Variants in CEP295 observed in about 807,000 individuals in gnomAD.
The protein encoded by CEP295 is centrosomal protein 295.
In CEP295, 190 loss-of-function variants were observed where a neutral mutation model predicts 291.6. The observed-to-expected ratio is 0.65, with a 90% confidence interval of 0.58 to 0.73. CEP295 has a LOEUF of 0.73. Ranked by LOEUF, CEP295 falls within the 30% of genes least tolerant of loss-of-function variation. The probability of loss-of-function intolerance (pLI) is 0.00; values close to 1 mark genes in which losing one functional copy is unlikely to be tolerated. For synonymous variants in CEP295, 993 were observed against 1,038.8 expected, an observed-to-expected ratio of 0.96 and a Z score of 0.85; for missense variants, 2,863 against 2,949.4, an observed-to-expected ratio of 0.97 and a Z score of 0.68.
Position 93,664,817 on chromosome 11 carries a change from C to A in CEP295, c.-26-1865C>A, listed in dbSNP as rs375880522. On this transcript the variant is annotated intron_variant, in intron 1 of 29. Coordinates refer to ENST00000325212, the MANE Select transcript of CEP295 (RefSeq NM_033395.2). Reference sequence around the variant, plus strand: ...TATTCTGTTTACACCTGGTTGAAAACATTGTGCATCCATAGTATGTGAAAT... The same window carrying A: ...TATTCTGTTTACACCTGGTTGAAAAAATTGTGCATCCATAGTATGTGAAAT... Among the ~76,000 whole-genome samples, 10 of 152,302 alleles carry A rather than the reference C, an allele frequency of 6.6e-5. No homozygotes were observed. In the East Asian group the frequency reaches 1.4e-3, roughly 21 times the overall value.
intron 18 of CEP295, among the ~76,000 whole-genome samples, chr11:93,709,190 T>C (rs1419979030): frequency 6.6e-6 from 1 of 152,208 alleles, no homozygotes; most frequent in African/African-American, 2.4e-5. Context: ...TTTCCTGTGC[T>C]TGTGGGGTAT....
chr11:93,720,490 A>AAAAGAC (rs1555005879), intron 18 of CEP295, among the ~76,000 whole-genome samples: 1 of 4,452 alleles, frequency 2.2e-4, no homozygotes, highest in African/African-American at 3.2e-4. Flanking sequence ...AAAAAAAAAA[A>AAAAGAC]CTGTCTCTAA....
chr11:93,717,780 C>T lies in CEP295; in HGVS notation c.5750-3532C>T, dbSNP rs79300182. On this transcript the variant is annotated intron_variant, in intron 18 of 29. Coordinates refer to ENST00000325212, the MANE Select transcript of CEP295 (RefSeq NM_033395.2). The stretch of plus-strand genomic sequence containing the variant: ...GGTCACAGAGTGGCCATTTCTGAGA[C>T]TGGCATTCCATGGAATTGTTGATGT... Among the ~76,000 whole-genome samples the T allele has an allele frequency of 7.9e-3, 1,206 of 152,122 alleles. 22 individuals carry two copies. The highest frequency in any genetic ancestry group is 0.053 in the East Asian group (273 of 5,172).
At chr11:93,666,974 A>G (rs576233021) in intron 2 of CEP295, among the ~76,000 whole-genome samples, 159 bp downstream of exon 2, 1 of 152,356 alleles carries the variant, frequency 6.6e-6, no homozygotes, top group Admixed American at 6.5e-5. Flanking sequence ...CACTTGAAAA[A>G]TAGGCTGAGA....
chr11:93,696,993 G>A lies in CEP295; in HGVS notation c.2081G>A (p.Arg694His), dbSNP rs550923039. ...QRQVETTETL[R>H]ASDILTNQAL... ...CAGGTGGAAACAACAGAAACATTAC[G>A]CGCTTCAGATATTTTAACCAATCAA... Residue 694 changes from arginine (R) to histidine (H), a missense_variant, in exon 15 of 30, where the codon CGC becomes CAC. Transcript: ENST00000325212. The A allele has an allele frequency of 4.7e-4, 731 of 1,551,466 alleles. 1 individual carries two copies. Among genetic ancestry groups the A allele is most frequent in the South Asian group, 2.1e-3 (180 of 84,054 alleles).
intron 7 of CEP295, among the ~76,000 whole-genome samples, chr11:93,682,452 G>A (rs1839166540): frequency 6.6e-6 from 1 of 152,174 alleles, no homozygotes; most frequent in Non-Finnish European, 1.5e-5. Context: ...TCGAACTCCT[G>A]ACCTCAGGTG....
chr11:93,669,651 A>G (rs754617408), intron 4 of CEP295, 26 bp from the exon 5 acceptor site: 24 of 1,408,902 alleles, frequency 1.7e-5, no homozygotes, highest in Non-Finnish European at 2.3e-5. Flanking sequence ...TGAGAGATTA[A>G]TTGATGACAT....
At chr11:93,695,659 T>C (rs1951809767) in intron 13 of CEP295, 25 bp downstream of exon 13, 1 of 1,476,322 alleles carries the variant, frequency 6.8e-7, no homozygotes, top group Admixed American at 2.9e-5. Flanking sequence ...ATCTCATCAC[T>C]ACATAAATCA....
At position 93,687,726 on chromosome 11, in the gene CEP295, T is replaced by C. The variant is rs760100225; in HGVS notation, c.1197T>C (p.Ser399=). Residue 399 remains serine, a synonymous_variant, in exon 10 of 30, where the codon TCT becomes TCC. Coordinates refer to ENST00000325212, the MANE Select transcript of CEP295 (RefSeq NM_033395.2). ...KLLNKIRSQK[S]LWTIKSMSED... is the part of the protein sequence containing the mutation. Reference sequence around the variant, plus strand: ...TAAATAAGATCCGAAGCCAAAAATCTCTCTGGACAATTAAATCTATGTCTG... The same window carrying C: ...TAAATAAGATCCGAAGCCAAAAATCCCTCTGGACAATTAAATCTATGTCTG... 3.9e-6 allele frequency: 6 copies of C among 1,549,820 alleles called. No homozygotes were observed. In the South Asian group the frequency reaches 7.2e-5, roughly 18 times the overall value.
chr11:93,696,566 C>G, intron 14 of CEP295, 116 bp from the exon 15 acceptor site: 6 of 1,105,576 alleles, frequency 5.4e-6, no homozygotes, highest in Non-Finnish European at 7.6e-6. Context: ...AGTGTAATTT[C>G]TTTTCACCAT....
intron 10 of CEP295, among the ~76,000 whole-genome samples, chr11:93,689,522 T>G (rs1161211123): frequency 6.6e-6 from 1 of 152,308 alleles, no homozygotes; most frequent in East Asian, 1.9e-4. Flanking sequence ...ACTCCCTCAC[T>G]TCCTTCACAT....
At chr11:93,722,751 C>G (rs1953834325) in intron 20 of CEP295, 1 of 268,092 alleles carries the variant, frequency 3.7e-6, no homozygotes, top group Non-Finnish European at 7.2e-6. Flanking sequence ...TATAGTGTCG[C>G]TGTCAATTAC....
intron 18 of CEP295, among the ~76,000 whole-genome samples, chr11:93,707,773 A>T (rs1295888594): frequency 6.6e-6 from 1 of 152,002 alleles, no homozygotes; most frequent in Non-Finnish European, 1.5e-5. Context: ...AAAAAGAAGA[A>T]GTTACATTTT....
intron 7 of CEP295, among the ~76,000 whole-genome samples, chr11:93,681,403 A>ATTTT (rs71064773): frequency 0.21 from 7,541 of 36,490 alleles, 2,731 homozygotes; most frequent in Non-Finnish European, 0.23. Context: ...CACCCAGCTA[A>ATTTT]TTTTTTTTTT....
At chr11:93,677,778 AG>A (rs1197333448) in intron 6 of CEP295, among the ~76,000 whole-genome samples, 2 of 152,186 alleles carry the variant, frequency 1.3e-5, no homozygotes, top group African/African-American at 4.8e-5. Flanking sequence ...ATATCTAAAA[AG>A]ATTTCTGTCC....
rs563027749 is a variant in CEP295, at chr11:93,689,562, G to GC, written c.1336+1699dup. Among the ~76,000 whole-genome samples the GC allele has an allele frequency of 7.4e-4, 113 of 152,010 alleles. 2 individuals are homozygous for GC. The highest frequency in any genetic ancestry group is 7.3e-3 in the Admixed American group (112 of 15,264). ...ACTCAACTATCCCTTTCTCAGTAAG[G>GC]CCTTTTCTGACTATATAAAATGGCA... On this transcript the variant is annotated intron_variant, in intron 10 of 29. Coordinates refer to ENST00000325212, the MANE Select transcript of CEP295 (RefSeq NM_033395.2).
intron 19 of CEP295, 56 bp from the exon 20 acceptor site, chr11:93,721,898 G>T: frequency 8.2e-7 from 1 of 1,213,632 alleles, no homozygotes; most frequent in African/African-American, 1.5e-5. Context: ...GGTGATTTGG[G>T]GTTTTCTTAC....
At position 93,699,911 on chromosome 11, in the gene CEP295, A is replaced by T. The variant is rs1188531348; in HGVS notation, c.4999A>T (p.Ser1667Cys). 3.2e-6 allele frequency: 5 copies of T among 1,551,692 alleles called. No individual in the cohort carries two copies. The highest frequency in any genetic ancestry group is 4.4e-6 in the Non-Finnish European group (5 of 1,147,024). Residue 1667 changes from serine to cysteine, a missense_variant, in exon 15 of 30, where the codon AGC becomes TGC. Coordinates refer to ENST00000325212, the MANE Select transcript of CEP295 (RefSeq NM_033395.2). ...ACCTTTTGCAGAAGCTAAACCTAAA[A>T]GCACTTGTGAATTGTATTCATCCCA... ...PLPFAEAKPK[S>C]TCELYSSQNE...
chr11:93,673,007 G>A (rs1429427158), intron 5 of CEP295, among the ~76,000 whole-genome samples: 3 of 152,148 alleles, frequency 2.0e-5, no homozygotes, highest in Non-Finnish European at 4.4e-5. Context: ...TTTCTTCAGA[G>A]TTCTTCCTTG....
Sources: gnomAD v4.1 joint callset for allele counts (sites outside exome capture counted in the v4.1 genomes callset) on GRCh38, gnomAD v4.1.1 for gene constraint, MANE v1.5 for transcripts, NCBI Gene and HGNC (gene_info 2026-07-23, HGNC 2026-07-21) for gene names.